The following TCTN3 variants were observed in gnomAD, a reference collection of about 807,000 sequenced individuals.
TCTN3 encodes the protein tectonic family member 3.
A neutral mutation model predicts 71.3 loss-of-function variants in TCTN3; 57 were observed. The observed-to-expected ratio is 0.80, with a 90% confidence interval of 0.65 to 1.00. The LOEUF (loss-of-function observed/expected upper bound fraction) is 1.00, where lower values mean the gene tolerates loss of function less well. Ranked by LOEUF, TCTN3 falls within the 50% of genes least tolerant of loss-of-function variation. TCTN3 has a pLI of 0.00. For synonymous variants in TCTN3, 258 were observed against 267.8 expected (o/e 0.96, Z 0.36); for missense variants, 696 against 719.9 (o/e 0.97, Z 0.38).
chr10:95,682,918 T>C (rs2097944489), intron 11 of TCTN3, 114 bp from the exon 12 acceptor site: 5 of 1,388,006 alleles, frequency 3.6e-6, no homozygotes, highest in Non-Finnish European at 2.9e-6. Context: ...CCAGAGGGTA[T>C]AATCCTTAGT....
intron 13 of TCTN3, among the ~76,000 whole-genome samples, chr10:95,679,879 C>T (rs1373878787): frequency 6.6e-6 from 1 of 152,086 alleles, no homozygotes; most frequent in South Asian, 2.1e-4. Context: ...CGTGAGCCAC[C>T]GCGCCCGGCC....
At chr10:95,690,223 A>G (rs1019160718) in intron 3 of TCTN3, among the ~76,000 whole-genome samples, 1 of 152,002 alleles carries the variant, frequency 6.6e-6, no homozygotes, top group African/African-American at 2.4e-5. Flanking sequence ...GGCTCATGCA[A>G]TCCTCCTGCC....
intron 6 of TCTN3, among the ~76,000 whole-genome samples, 170 bp from the exon 7 acceptor site, chr10:95,686,700 AG>A (rs2097948627): frequency 6.6e-6 from 1 of 152,196 alleles, no homozygotes; most frequent in Non-Finnish European, 1.5e-5. Flanking sequence ...CTAAAATGCC[AG>A]GAAGTGGAGC....
intron 8 of TCTN3, 46 bp from the exon 9 acceptor site, chr10:95,684,670 G>A (rs1307582274): frequency 3.1e-6 from 5 of 1,603,978 alleles, no homozygotes; most frequent in Non-Finnish European, 4.3e-6. Context: ...TTATTGGGCC[G>A]AATATGTTTA....
Position 95,684,643 on chromosome 10 carries a change from CAATT to C in TCTN3, c.970-23_970-20del. ...AGGTGACCTGAAATGCAAAAAGAAT[CAATT>C]AATAAAAAGTAGTTATTGGGCCGAA... On this transcript the variant is annotated intron_variant, in intron 8 of 13. Transcript: ENST00000371217. 6.2e-7 allele frequency: 1 copy of C among 1,611,480 alleles called. No homozygotes were observed. Among genetic ancestry groups the C allele is most frequent in the Admixed American group, 1.7e-5 (1 of 59,642 alleles).
chr10:95,683,660 G>A (rs776176482), intron 9 of TCTN3, 31 bp from the exon 10 acceptor site: 9 of 1,583,760 alleles, frequency 5.7e-6, no homozygotes, highest in African/African-American at 2.7e-5. Context: ...AGTCAATTAT[G>A]GAGATAAGCA....
intron 12 of TCTN3, 62 bp from the exon 13 acceptor site, chr10:95,680,671 A>T: frequency 3.2e-6 from 5 of 1,578,540 alleles, no homozygotes; most frequent in Non-Finnish European, 4.3e-6. Context: ...GTCAATCACC[A>T]AGTACTAAGC....
intron 12 of TCTN3, among the ~76,000 whole-genome samples, chr10:95,681,178 C>T (rs916207027): frequency 6.6e-6 from 1 of 151,812 alleles, no homozygotes; most frequent in East Asian, 1.9e-4. Flanking sequence ...TGGACTCAAG[C>T]GATTCTCCTG....
chr10:95,686,632 G>A (rs1411335161), intron 6 of TCTN3, 102 bp from the exon 7 acceptor site: 21 of 1,120,566 alleles, frequency 1.9e-5, no homozygotes, highest in Non-Finnish European at 2.8e-5. Context: ...TTGGCGGGCA[G>A]GGGAGTCAAT....
intron 13 of TCTN3, among the ~76,000 whole-genome samples, chr10:95,666,867 G>C (rs2097926228): frequency 6.6e-6 from 1 of 152,086 alleles, no homozygotes; most frequent in South Asian, 2.1e-4. Flanking sequence ...GGAAGAGTGT[G>C]GTATTGAACA....
intron 13 of TCTN3, among the ~76,000 whole-genome samples, chr10:95,665,551 G>A (rs1204796244): frequency 6.6e-6 from 1 of 152,152 alleles, no homozygotes; most frequent in African/African-American, 2.4e-5. Context: ...AAAGTGCTGG[G>A]ATTACAGGTG....
chr10:95,693,319 C>T (rs1001579274), intron 2 of TCTN3, 34 bp downstream of exon 2: 4 of 1,551,110 alleles, frequency 2.6e-6, no homozygotes. Context: ...GGCCCCAAAC[C>T]CCTTTAGGAT....
chr10:95,684,671 A>C, intron 8 of TCTN3, 47 bp from the exon 9 acceptor site: 1 of 1,605,834 alleles, frequency 6.2e-7, no homozygotes, highest in South Asian at 1.1e-5. Context: ...TATTGGGCCG[A>C]ATATGTTTAG....
intron 7 of TCTN3, among the ~76,000 whole-genome samples, 164 bp from the exon 8 acceptor site, chr10:95,685,800 C>T (rs776058729): frequency 2.0e-5 from 3 of 152,132 alleles, no homozygotes; most frequent in Non-Finnish European, 2.9e-5. Flanking sequence ...TCTTTCTAAA[C>T]GAGCACTTCT....
At chr10:95,664,390 G>A in intron 13 of TCTN3, 90 bp from the exon 14 acceptor site, 1 of 1,100,626 alleles carries the variant, frequency 9.1e-7, no homozygotes, top group Non-Finnish European at 1.4e-6. Flanking sequence ...TCCCTGAAGA[G>A]AGAAATGAAT....
At chr10:95,666,236 C>T (rs907244346) in intron 13 of TCTN3, among the ~76,000 whole-genome samples, 3 of 140,970 alleles carry the variant, frequency 2.1e-5, no homozygotes, top group African/African-American at 8.0e-5. Context: ...CCACCATGCC[C>T]AGCCTTTTTT....
In TCTN3 at chr10:95,692,966, G is replaced by A. The variant is rs1229710803; in HGVS notation, c.453C>T (p.Phe151=). The A allele has an allele frequency of 6.2e-7, 1 of 1,614,112 alleles. No individual in the cohort carries two copies. Among genetic ancestry groups the A allele is most frequent in the East Asian group, 2.2e-5 (1 of 44,888 alleles). ...RSNSPFPSRV[F]MDSNGIRQFC... ...ACTGCCTGATTCCATTAGAATCCAT[G>A]AAAACTCTTGAAGGAAACGGGGAAT... The change falls in exon 3 of 14, where the codon TTC becomes TTT. Residue 151 remains phenylalanine (F), a synonymous_variant. Transcript: ENST00000371217.
intron 9 of TCTN3, 73 bp from the exon 10 acceptor site, chr10:95,683,702 C>G (rs541970958): frequency 2.3e-6 from 3 of 1,323,526 alleles, no homozygotes; most frequent in Non-Finnish European, 3.1e-6. Context: ...TTGGCTTCAC[C>G]GTACCCTTCC....
chr10:95,676,621 C>T (rs964316545), intron 13 of TCTN3, among the ~76,000 whole-genome samples: 4 of 152,074 alleles, frequency 2.6e-5, no homozygotes, highest in African/African-American at 9.7e-5. Context: ...ATGTGTGTTG[C>T]AAACTCGGTC....
Sources: allele counts gnomAD v4.1 joint callset (sites outside exome capture counted in the v4.1 genomes callset), GRCh38; gene constraint gnomAD v4.1.1; transcripts MANE v1.5; gene names NCBI Gene and HGNC (gene_info 2026-07-23, HGNC 2026-07-21).